NELL1: variants seen among roughly 807,000 people sequenced by gnomAD.
NELL1 encodes the protein neural EGFL like 1, also known as protein kinase C-binding protein NELL1.
In NELL1, 76 loss-of-function variants were observed where a neutral mutation model predicts 107.4. That is an observed-to-expected ratio of 0.71 (90% CI 0.59 to 0.86). The LOEUF is 0.86. NELL1 is among the 40% of genes least tolerant of loss of function. The pLI is 0.00. For synonymous variants in NELL1, 353 were observed against 341.2 expected (o/e 1.03, Z -0.38); for missense variants, 1,024 against 1,005.5 (o/e 1.02, Z -0.25).
At chr11:21,009,926 A>G (rs1208921002) in intron 12 of NELL1, among the ~76,000 whole-genome samples, 1 of 149,252 alleles carries the variant, frequency 6.7e-6, no homozygotes, top group Admixed American at 6.6e-5. Context: ...AGCAACCATC[A>G]GCACCCCCTC....
intron 5 of NELL1, among the ~76,000 whole-genome samples, chr11:20,917,215 G>A (rs555775146): frequency 2.6e-4 from 40 of 152,028 alleles, no homozygotes; most frequent in African/African-American, 8.2e-4. Context: ...TCTCATAATC[G>A]CAAACACTGC....
At chr11:20,997,593 A>C (rs1280441298) in intron 12 of NELL1, among the ~76,000 whole-genome samples, 1 of 152,230 alleles carries the variant, frequency 6.6e-6, no homozygotes, top group Non-Finnish European at 1.5e-5. Flanking sequence ...AGATGTTAAT[A>C]TAAGGGGAAA....
intron 2 of NELL1, among the ~76,000 whole-genome samples, chr11:20,696,552 A>G (rs1854622406): frequency 6.6e-6 from 1 of 152,130 alleles, no homozygotes; most frequent in East Asian, 1.9e-4. Context: ...CTAATAAATG[A>G]TGTCTATCTA....
intron 4 of NELL1, among the ~76,000 whole-genome samples, chr11:20,873,191 A>C (rs1341339621): frequency 6.6e-6 from 1 of 152,150 alleles, no homozygotes; most frequent in Non-Finnish European, 1.5e-5. Context: ...GGAGCAGCAC[A>C]TTTTGCTCTG....
At chr11:20,806,256 G>T (rs1590312202) in intron 3 of NELL1, among the ~76,000 whole-genome samples, 1 of 8,918 alleles carries the variant, frequency 1.1e-4, no homozygotes, top group South Asian at 0.01. Flanking sequence ...AAGCATTTGT[G>T]TGTGTGTGTG....
chr11:21,569,615 G>A (rs978716896), intron 17 of NELL1, among the ~76,000 whole-genome samples: 1 of 151,884 alleles, frequency 6.6e-6, no homozygotes, highest in Non-Finnish European at 1.5e-5. Context: ...GAGTACATAA[G>A]AGCTGTCTTC....
At chr11:21,309,476 C>G (rs1459869787) in intron 14 of NELL1, among the ~76,000 whole-genome samples, 1 of 151,410 alleles carries the variant, frequency 6.6e-6, no homozygotes. Context: ...TTACCCCTTC[C>G]AAATTGAATG....
intron 2 of NELL1, among the ~76,000 whole-genome samples, chr11:20,713,206 A>G (rs1469774168): frequency 2.6e-5 from 4 of 152,034 alleles, no homozygotes; most frequent in African/African-American, 9.7e-5. Flanking sequence ...CAGGTGATTG[A>G]TGGGCAGGTC....
intron 4 of NELL1, among the ~76,000 whole-genome samples, chr11:20,851,080 G>T (rs1425359270): frequency 6.6e-6 from 1 of 152,130 alleles, no homozygotes; most frequent in South Asian, 2.1e-4. Context: ...CCACACCAGG[G>T]AGTCTTCCCA....
chr11:20,849,723 T>A (rs145399595), intron 4 of NELL1, among the ~76,000 whole-genome samples: 2,361 of 152,304 alleles, frequency 0.016, 36 homozygotes, highest in South Asian at 0.026. Context: ...AATACATTTT[T>A]CAGGTAGGTC....
chr11:21,092,560 G>A (rs1286278328), intron 12 of NELL1, among the ~76,000 whole-genome samples: 1 of 152,100 alleles, frequency 6.6e-6, no homozygotes, highest in African/African-American at 2.4e-5. Flanking sequence ...GATAATATAT[G>A]CCCCCTAGAG....
intron 16 of NELL1, among the ~76,000 whole-genome samples, chr11:21,539,305 T>G (rs1176421128): frequency 6.6e-6 from 1 of 152,056 alleles, no homozygotes; most frequent in Non-Finnish European, 1.5e-5. Context: ...CAAGTGGGTG[T>G]GTGTTACACT....
chr11:21,028,270 G>A (rs901302890), intron 12 of NELL1, among the ~76,000 whole-genome samples: 7 of 151,976 alleles, frequency 4.6e-5, no homozygotes, highest in African/African-American at 1.2e-4. Flanking sequence ...ATGCTCTCCC[G>A]GTGATTCTAA....
At chr11:21,311,937 G>T (rs1849758374) in intron 14 of NELL1, among the ~76,000 whole-genome samples, 1 of 152,058 alleles carries the variant, frequency 6.6e-6, no homozygotes, top group Admixed American at 6.6e-5. Context: ...TTATAAGCTT[G>T]GTGCCTTTTC....
chr11:20,997,297 A>C (rs1241604738), intron 12 of NELL1, among the ~76,000 whole-genome samples: 2 of 152,230 alleles, frequency 1.3e-5, no homozygotes, highest in Non-Finnish European at 2.9e-5. Context: ...AAGACTAAAC[A>C]TTAGGCATCA....
chr11:21,523,623 C>T (rs1392333726), intron 15 of NELL1, among the ~76,000 whole-genome samples: 1 of 152,124 alleles, frequency 6.6e-6, no homozygotes, highest in Non-Finnish European at 1.5e-5. Context: ...TTCAAAATTA[C>T]CTCTCTGTTC....
chr11:20,822,144 C>T (rs1389833041), intron 3 of NELL1, among the ~76,000 whole-genome samples: 1 of 152,124 alleles, frequency 6.6e-6, no homozygotes, highest in Non-Finnish European at 1.5e-5. Context: ...GACTGAGGGT[C>T]AGGGGGCATA....
intron 15 of NELL1, among the ~76,000 whole-genome samples, chr11:21,492,433 G>A (rs1239917035): frequency 3.3e-5 from 5 of 151,748 alleles, no homozygotes; most frequent in African/African-American, 4.8e-5. Context: ...GCTGCTATAA[G>A]GACACATGCA....
In NELL1 at chr11:20,823,567, A is replaced by G. The variant is rs779449737; in HGVS notation, c.336-24016A>G. 4.0e-5 allele frequency among the ~76,000 whole-genome samples: 6 copies of G among 151,402 alleles called. 1 individual carries two copies. Among genetic ancestry groups the G allele is most frequent in the Non-Finnish European group, 8.9e-5 (6 of 67,640 alleles). ...GAAGGCACAGAAGACATGGCTGAAT[A>G]TTTTAATTGCTTGGAGAGCTTTTAA... On this transcript the variant is annotated intron_variant, in intron 3 of 19. Coordinates refer to ENST00000357134, the MANE Select transcript of NELL1 (RefSeq NM_006157.5).
Sources: gnomAD v4.1 joint callset for allele counts (sites outside exome capture counted in the v4.1 genomes callset) on GRCh38, gnomAD v4.1.1 for gene constraint, MANE v1.5 for transcripts, NCBI Gene and HGNC (gene_info 2026-07-23, HGNC 2026-07-21) for gene names.